The following CYS1 variants were observed in gnomAD, a reference collection of about 807,000 sequenced individuals.
The protein encoded by CYS1 is cystin-1.
In CYS1, 5 loss-of-function variants were observed where a neutral mutation model predicts 9.6. The observed-to-expected ratio is 0.52, with a 90% CI of 0.27 to 1.10. CYS1 has a LOEUF of 1.10. Ranked by LOEUF, CYS1 falls within the 50% of genes least tolerant of loss-of-function variation. CYS1 has a pLI of 0.11. For synonymous variants in CYS1, 88 were observed against 95.7 expected (o/e 0.92, Z 0.47); for missense variants, 221 against 207.9 (o/e 1.06, Z -0.39).
intron 1 of CYS1, among the ~76,000 whole-genome samples, chr2:10,078,045 G>T (rs749207463): frequency 6.6e-6 from 1 of 151,776 alleles, no homozygotes; most frequent in Non-Finnish European, 1.5e-5. Context: ...GGCACAGGTT[G>T]CAGTGAGCCG....
At chr2:10,067,406 C>CTTTTTTT (rs34525296) in intron 1 of CYS1, among the ~76,000 whole-genome samples, 3 of 118,114 alleles carry the variant, frequency 2.5e-5, no homozygotes, top group African/African-American at 3.1e-5. Context: ...AAATTCTTTT[C>CTTTTTTT]TTTTTTTTTT....
Position 10,080,358 on chromosome 2 carries a change from C to T in CYS1, c.-135G>A. ...GGCGAGGTCCGGGAAGCGACCGCGG[C>T]CAGGGGCTAGGGTTCCCGGGCGGGG... On this transcript the variant is annotated 5_prime_UTR_variant, in exon 1 of 3. Transcript: ENST00000381813. This position sits in a 1 kb window ranked among gnomAD's most constrained non-coding sequence, Gnocchi z 6.4. 1 of 440,258 alleles carries T rather than the reference C, an allele frequency of 2.3e-6. No individual in the cohort carries two copies. The highest frequency in any genetic ancestry group is 3.0e-6 in the Non-Finnish European group (1 of 329,788). 27.3% of individuals were successfully genotyped at this position (440,258 alleles called of 1,614,324 possible).
intron 2 of CYS1, among the ~76,000 whole-genome samples, chr2:10,065,459 C>A (rs554662419): frequency 6.6e-6 from 1 of 152,200 alleles, no homozygotes; most frequent in Non-Finnish European, 1.5e-5. Context: ...CCAGGCTCCT[C>A]GCCTGCTACC....
chr2:10,071,492 G>GC (rs1661767774), intron 1 of CYS1, among the ~76,000 whole-genome samples: 1 of 152,198 alleles, frequency 6.6e-6, no homozygotes, highest in Non-Finnish European at 1.5e-5. Flanking sequence ...TGCGTGAACG[G>GC]CCCCCCAGAG....
At chr2:10,069,947 T>C (rs1295767234) in intron 1 of CYS1, among the ~76,000 whole-genome samples, 2 of 152,212 alleles carry the variant, frequency 1.3e-5, no homozygotes, top group African/African-American at 4.8e-5. Context: ...CACAGAGGAC[T>C]AAGTCAGAGC....
chr2:10,073,594 G>A (rs11692934), intron 1 of CYS1, among the ~76,000 whole-genome samples: 19,083 of 152,174 alleles, frequency 0.13, 1,331 homozygotes, highest in Middle Eastern at 0.23. Context: ...GTGGCCTTGG[G>A]CAGGGGGCTG....
intron 1 of CYS1, among the ~76,000 whole-genome samples, chr2:10,077,827 C>G (rs1291096711): frequency 6.6e-6 from 1 of 151,502 alleles, no homozygotes; most frequent in East Asian, 1.9e-4. Flanking sequence ...TACATACAGT[C>G]GGCTGGGTGA....
chr2:10,069,130 A>T (rs1661732272), intron 1 of CYS1, among the ~76,000 whole-genome samples: 1 of 152,166 alleles, frequency 6.6e-6, no homozygotes, highest in African/African-American at 2.4e-5. Context: ...AGGCGGAGAC[A>T]GGCCACCTAC....
chr2:10,065,791 G>T, intron 2 of CYS1, 113 bp downstream of exon 2: 1 of 1,045,572 alleles, frequency 9.6e-7, no homozygotes, highest in Non-Finnish European at 1.5e-6. Context: ...GCTGCCTCTG[G>T]AAACCTCGTG....
intron 2 of CYS1, among the ~76,000 whole-genome samples, chr2:10,059,291 G>A (rs1661594656): frequency 1.3e-5 from 2 of 152,384 alleles, no homozygotes; most frequent in African/African-American, 4.8e-5. Context: ...GTGTGTCTCC[G>A]AGCCTCGGTG....
intron 1 of CYS1, among the ~76,000 whole-genome samples, chr2:10,071,827 CG>C (rs1661772010): frequency 6.6e-6 from 1 of 152,144 alleles, no homozygotes; most frequent in African/African-American, 2.4e-5. Flanking sequence ...CGTGGGGAAC[CG>C]GCAGCACCTG....
At chr2:10,064,093 C>T (rs572020230) in intron 2 of CYS1, among the ~76,000 whole-genome samples, 141 of 152,144 alleles carry the variant, frequency 9.3e-4, no homozygotes, top group African/African-American at 3.3e-3. Context: ...CAGGGTGGCT[C>T]GTGCCTGTAA....
At chr2:10,071,476 A>G (rs1191292771) in intron 1 of CYS1, among the ~76,000 whole-genome samples, 3 of 152,236 alleles carry the variant, frequency 2.0e-5, no homozygotes, top group African/African-American at 7.2e-5. Flanking sequence ...ATGGAATGCC[A>G]TCCAGTGCGT....
At chr2:10,078,504 C>T (rs1003480434) in intron 1 of CYS1, among the ~76,000 whole-genome samples, 4 of 152,234 alleles carry the variant, frequency 2.6e-5, no homozygotes, top group African/African-American at 4.8e-5. Flanking sequence ...CCCTGGGCAC[C>T]AGCTGCCCCA....
In CYS1 at chr2:10,080,251, G is replaced by A; in HGVS notation, c.-28C>T. ...CGCGCCCGCCGCCTCCCGGACCGCC[G>A]AGGGGGCCCCCATGAGGGGGCGCGG... On this transcript the variant is annotated 5_prime_UTR_variant, in exon 1 of 3. Coordinates refer to ENST00000381813, the MANE Select transcript of CYS1 (RefSeq NM_001037160.3). This position sits in a 1 kb window ranked among gnomAD's most constrained non-coding sequence, Gnocchi z 6.4. The A allele has an allele frequency of 9.6e-7, 1 of 1,038,918 alleles. No homozygotes were observed. Among genetic ancestry groups the A allele is most frequent in the Non-Finnish European group, 1.2e-6 (1 of 867,930 alleles). The allele number at this position is 1,038,918 out of a possible 1,614,324, so 64.4% of individuals were successfully genotyped here.
At chr2:10,064,025 C>T (rs1274176537) in intron 2 of CYS1, among the ~76,000 whole-genome samples, 2 of 152,176 alleles carry the variant, frequency 1.3e-5, no homozygotes, top group African/African-American at 4.8e-5. Context: ...GAGTTTGAGA[C>T]CAGCCTGGCC....
intron 1 of CYS1, among the ~76,000 whole-genome samples, chr2:10,079,688 G>C (rs960993785): frequency 6.6e-6 from 1 of 151,908 alleles, no homozygotes; most frequent in Non-Finnish European, 1.5e-5. Context: ...GCCGCTCCCA[G>C]CGCGATCGCC....
chr2:10,059,869 C>A (rs1442385924), intron 2 of CYS1, among the ~76,000 whole-genome samples: 1 of 152,240 alleles, frequency 6.6e-6, no homozygotes, highest in Non-Finnish European at 1.5e-5. Context: ...GGGACCGAGA[C>A]CAGAGCTCCT....
chr2:10,072,502 T>C (rs1254966272), intron 1 of CYS1, among the ~76,000 whole-genome samples: 3 of 152,280 alleles, frequency 2.0e-5, no homozygotes, highest in Non-Finnish European at 4.4e-5. Context: ...CAGCTTAATA[T>C]GTATGTATGT....
Sources: gnomAD v4.1 joint callset for allele counts (sites outside exome capture counted in the v4.1 genomes callset) on GRCh38, gnomAD v4.1.1 for gene constraint, Gnocchi (gnomAD v3.1) non-coding constraint, MANE v1.5 for transcripts, NCBI Gene and HGNC (gene_info 2026-07-23, HGNC 2026-07-21) for gene names.